MYRFL: variants seen among roughly 807,000 people sequenced by gnomAD.
The protein encoded by MYRFL is myelin regulatory factor like, also known as myelin regulatory factor-like protein.
In MYRFL, 88 loss-of-function variants were observed where a neutral mutation model predicts 109.4. That is an observed-to-expected ratio of 0.80 (90% CI 0.68 to 0.96). The LOEUF (loss-of-function observed/expected upper bound fraction) is 0.96, where lower values mean the gene tolerates loss of function less well. MYRFL is among the 40% of genes least tolerant of loss of function. The probability of loss-of-function intolerance (pLI) is 0.00; values close to 1 mark genes in which losing one functional copy is unlikely to be tolerated. For missense variants in MYRFL, 957 were observed against 954.9 expected, an observed-to-expected ratio of 1.00 and a Z score of -0.03; for synonymous variants, 324 against 320.9, an observed-to-expected ratio of 1.01 and a Z score of -0.10.
rs528883515 is a variant in MYRFL, at chr12:69,950,696, T to C, written c.2225-1417T>C. Among the ~76,000 whole-genome samples, 3 of 152,252 alleles carry C rather than the reference T, an allele frequency of 2.0e-5. No individual in the cohort carries two copies. The East Asian group carries it at 5.8e-4, about 29-fold the overall frequency. Reference sequence around the variant, plus strand: ...TAGAAGGGAAAACTGGTATTTAGCATTGCCCAGCAGAAGAATGGGCAGTGA... The same window carrying C: ...TAGAAGGGAAAACTGGTATTTAGCACTGCCCAGCAGAAGAATGGGCAGTGA... On this transcript the variant is annotated intron_variant, in intron 19 of 24. Transcript: ENST00000552032.
intron 2 of MYRFL, among the ~76,000 whole-genome samples, chr12:69,856,020 C>T (rs1487207059): frequency 1.3e-5 from 2 of 151,868 alleles, no homozygotes; most frequent in African/African-American, 2.4e-5. Flanking sequence ...AGTAATATAA[C>T]CACTACCATT....
chr12:69,844,230 C>T (rs1018282446), intron 1 of MYRFL, among the ~76,000 whole-genome samples: 9 of 152,120 alleles, frequency 5.9e-5, no homozygotes, highest in Non-Finnish European at 1.0e-4. Context: ...TTCATTAAGG[C>T]GTTTGGGCAA....
intron 22 of MYRFL, among the ~76,000 whole-genome samples, chr12:69,956,008 G>C (rs1429052752): frequency 6.6e-6 from 1 of 152,122 alleles, no homozygotes; most frequent in African/African-American, 2.4e-5. Flanking sequence ...AGCACATAGA[G>C]CTGCTGTGAG....
chr12:69,830,321 A>G (rs1001676984), intron 1 of MYRFL, among the ~76,000 whole-genome samples: 1 of 150,992 alleles, frequency 6.6e-6, no homozygotes, highest in Non-Finnish European at 1.5e-5. Flanking sequence ...ATCTGTATGG[A>G]TATATTCTAC....
At chr12:69,937,289 A>G (rs1955500284) in intron 19 of MYRFL, among the ~76,000 whole-genome samples, 1 of 152,032 alleles carries the variant, frequency 6.6e-6, no homozygotes. Flanking sequence ...TAGAAATTTT[A>G]TTCTATATAT....
At chr12:69,842,060 G>A (rs965186763) in intron 1 of MYRFL, among the ~76,000 whole-genome samples, 9 of 152,180 alleles carry the variant, frequency 5.9e-5, no homozygotes, top group Admixed American at 3.3e-4. Context: ...GCCCTAGCCT[G>A]ACTATAGAAC....
intron 19 of MYRFL, among the ~76,000 whole-genome samples, chr12:69,949,291 G>T (rs143201003): frequency 6.6e-6 from 1 of 151,252 alleles, no homozygotes; most frequent in African/African-American, 2.4e-5. Flanking sequence ...TATTTTGTTA[G>T]GTGTACTTAG....
Position 69,909,877 on chromosome 12 carries a change from G to A in MYRFL, c.1384-92G>A, listed in dbSNP as rs1284245160. On this transcript the variant is annotated intron_variant, in intron 11 of 24. Coordinates refer to ENST00000552032, the MANE Select transcript of MYRFL (RefSeq NM_182530.3). ...ATTATCTCCAGCAAAATGTCCAAAA[G>A]CAATTCAGTGATGTCTCTGGGTCAC... The A allele has an allele frequency of 4.6e-6, 4 of 871,906 alleles. No homozygotes were observed. The Admixed American group carries it at 1.0e-4, about 22-fold the overall frequency. The allele number at this position is 871,906 out of a possible 1,614,324, so 54.0% of individuals were successfully genotyped here.
intron 13 of MYRFL, among the ~76,000 whole-genome samples, chr12:69,911,374 TGATTAAA>T (rs1314378258): frequency 6.6e-6 from 1 of 152,250 alleles, no homozygotes; most frequent in African/African-American, 2.4e-5. Context: ...CTTCTTAGAA[TGATTAAA>T]GATTAAGTGA....
chr12:69,912,663 AT>A (rs1284798960), intron 13 of MYRFL, among the ~76,000 whole-genome samples: 1 of 152,072 alleles, frequency 6.6e-6, no homozygotes, highest in Non-Finnish European at 1.5e-5. Context: ...AGACTGAATA[AT>A]TTTCACCTTT....
rs1954504634 is a variant in MYRFL at position 69,910,043 on chromosome 12, A to G, written c.1458A>G (p.Ala486=). The G allele has an allele frequency of 6.5e-7, 1 of 1,534,578 alleles. No homozygotes were observed. The highest frequency in any genetic ancestry group is 1.2e-5 in the South Asian group (1 of 83,718). ...IVEYDYKPEF[A]SAMGINTAHQ... Reference sequence around the variant, plus strand: ...AATATGACTACAAACCTGAATTTGCATCTGCAATGGGAATAAACACTGCCC... The same window carrying G: ...AATATGACTACAAACCTGAATTTGCGTCTGCAATGGGAATAAACACTGCCC... The change falls in exon 12 of 25, where the codon GCA becomes GCG. Residue 486 remains alanine, a synonymous_variant. Coordinates refer to ENST00000552032, the MANE Select transcript of MYRFL (RefSeq NM_182530.3).
At position 69,905,965 on chromosome 12, in the gene MYRFL, G is replaced by A. The variant is rs188426450; in HGVS notation, c.1383+2121G>A. Among the ~76,000 whole-genome samples, 137 of 152,204 alleles carry A rather than the reference G, an allele frequency of 9.0e-4. 1 individual carries two copies. Among genetic ancestry groups the A allele is most frequent in the African/African-American group, 2.8e-3 (118 of 41,544 alleles). Reference sequence around the variant, plus strand: ...AGAGCCTTTCTTTCATATACTCTGGGGATCTGACCCTTGGTCAATTTGATG... The same window carrying A: ...AGAGCCTTTCTTTCATATACTCTGGAGATCTGACCCTTGGTCAATTTGATG... On this transcript the variant is annotated intron_variant, in intron 11 of 24. Transcript: ENST00000552032.
At chr12:69,914,152 T>C (rs1954662158) in intron 13 of MYRFL, among the ~76,000 whole-genome samples, 1 of 152,134 alleles carries the variant, frequency 6.6e-6, no homozygotes, top group South Asian at 2.1e-4. Flanking sequence ...CTTTGTATCC[T>C]GCTACTTTGC....
intron 13 of MYRFL, among the ~76,000 whole-genome samples, chr12:69,925,009 C>T (rs1178678966): frequency 6.6e-6 from 1 of 152,128 alleles, no homozygotes; most frequent in African/African-American, 2.4e-5. Flanking sequence ...ATTCTGCCTG[C>T]CACAAACTCA....
intron 13 of MYRFL, among the ~76,000 whole-genome samples, chr12:69,916,460 GC>G (rs1954731806): frequency 6.6e-6 from 1 of 152,106 alleles, no homozygotes; most frequent in African/African-American, 2.4e-5. Context: ...TCCATGATAT[GC>G]AGTTAAACAC....
At chr12:69,924,782 A>AT in intron 13 of MYRFL, among the ~76,000 whole-genome samples, 2 of 152,140 alleles carry the variant, frequency 1.3e-5, no homozygotes, top group East Asian at 3.9e-4. Context: ...TTGTTGTTGG[A>AT]TTTTTTGTGT....
At chr12:69,845,634 T>C (rs1355728680) in intron 1 of MYRFL, among the ~76,000 whole-genome samples, 2 of 152,116 alleles carry the variant, frequency 1.3e-5, no homozygotes, top group Admixed American at 6.5e-5. Context: ...TTGAGGGGTA[T>C]TGGAGTGAGG....
At chr12:69,864,785 G>A (rs1236136840) in intron 2 of MYRFL, among the ~76,000 whole-genome samples, 1 of 152,084 alleles carries the variant, frequency 6.6e-6, no homozygotes, top group East Asian at 1.9e-4. Flanking sequence ...AATTGCCCCT[G>A]TGCCTGCCCT....
intron 2 of MYRFL, among the ~76,000 whole-genome samples, chr12:69,874,584 A>G (rs1418034086): frequency 6.6e-6 from 1 of 152,184 alleles, no homozygotes; most frequent in East Asian, 1.9e-4. Context: ...ATCTAGAACC[A>G]TTTCCCTTTA....
Sources: gnomAD v4.1 joint callset for allele counts (sites outside exome capture counted in the v4.1 genomes callset) on GRCh38, gnomAD v4.1.1 for gene constraint, MANE v1.5 for transcripts, NCBI Gene and HGNC (gene_info 2026-07-23, HGNC 2026-07-21) for gene names.